The following SUN1 variants were observed in gnomAD, a reference collection of about 807,000 sequenced individuals.
SUN1 encodes SUN domain-containing protein 1.
Under a neutral mutation model 103.2 loss-of-function variants are expected in SUN1, and 61 were observed. That is an observed-to-expected ratio of 0.59 (90% CI 0.48 to 0.73). The LOEUF is 0.73. Ranked by LOEUF, SUN1 falls within the 30% of genes least tolerant of loss-of-function variation. SUN1 has a pLI of 0.00. For synonymous variants in SUN1, 490 were observed against 425.7 expected (o/e 1.15, Z -1.86); for missense variants, 1,052 against 1,034.6 (o/e 1.02, Z -0.23).
chr7:848,403 A>G, intron 5 of SUN1: 4 of 1,348,650 alleles, frequency 3.0e-6, no homozygotes, highest in Middle Eastern at 2.1e-4. Flanking sequence ...ACGCATGTTC[A>G]TGGTTTTTTA....
At chr7:849,313 A>C (rs1490941573) in intron 5 of SUN1, among the ~76,000 whole-genome samples, 1 of 152,200 alleles carries the variant, frequency 6.6e-6, no homozygotes. Flanking sequence ...CGATTCAGCC[A>C]GAGGGTGGGG....
intron 4 of SUN1, 42 bp from the exon 5 acceptor site, chr7:843,299 G>T (rs1490862214): frequency 6.2e-7 from 1 of 1,605,274 alleles, no homozygotes; most frequent in Non-Finnish European, 8.5e-7. Context: ...AATATCTGCA[G>T]ACTGTGATAA....
chr7:835,986 G>A (rs1034868899), intron 1 of SUN1, among the ~76,000 whole-genome samples: 1 of 152,238 alleles, frequency 6.6e-6, no homozygotes, highest in African/African-American at 2.4e-5. Flanking sequence ...TGGACAGGCG[G>A]GAAGAAGGGG....
chr7:838,788 T>C lies in SUN1; in HGVS notation c.78-10T>C. 1.3e-6 allele frequency: 2 copies of C among 1,534,154 alleles called. No individual in the cohort carries two copies. The highest frequency in any genetic ancestry group is 4.9e-5 in the East Asian group (2 of 40,754). ...GCACTGCTTACCTCTGATGAGCTTT[T>C]TCCTTCTAGTTCCAGCTATTCTTCA... On this transcript the variant is annotated splice_polypyrimidine_tract_variant and intron_variant, in intron 1 of 18. Coordinates refer to ENST00000401592, the MANE Select transcript of SUN1 (RefSeq NM_001130965.3).
chr7:825,895 T>C (rs1223428035), intron 1 of SUN1, among the ~76,000 whole-genome samples: 1 of 123,190 alleles, frequency 8.1e-6, no homozygotes, highest in African/African-American at 2.8e-5. Flanking sequence ...CATTTAGTAC[T>C]GGTTTTTTTT....
intron 17 of SUN1, among the ~76,000 whole-genome samples, chr7:870,041 A>C (rs1282587863): frequency 1.5e-5 from 2 of 136,866 alleles, no homozygotes; most frequent in Admixed American, 7.2e-5. Flanking sequence ...TAAAATATAC[A>C]AAAAAAAAAA....
rs768079885 is a variant in SUN1, at chr7:857,973, G to A, written c.1524+16G>A. The A allele has an allele frequency of 1.3e-6, 2 of 1,538,948 alleles. No homozygotes were observed. The highest frequency in any genetic ancestry group is 2.3e-5 in the East Asian group (1 of 42,920). Reference sequence around the variant, plus strand: ...ACAAGAAAGAGTGAGCTTTCTGCATGTTTACTTTTTGTTTTATAATAGAAA... The same window carrying A: ...ACAAGAAAGAGTGAGCTTTCTGCATATTTACTTTTTGTTTTATAATAGAAA... On this transcript the variant is annotated intron_variant, in intron 13 of 18. Coordinates refer to ENST00000401592, the MANE Select transcript of SUN1 (RefSeq NM_001130965.3).
chr7:872,534 G>T lies in SUN1; in HGVS notation c.2213G>T (p.Gly738Val). ...LLGQFTYDQD[G>V]ESLQMFQALK... ...GGACAGTTCACGTATGATCAGGATGGGGAGTCGCTCCAGATGTTCCAGGCC... is the reference window on the plus strand; with the variant it reads ...GGACAGTTCACGTATGATCAGGATGTGGAGTCGCTCCAGATGTTCCAGGCC... The change falls in exon 18 of 19, where the codon GGG (glycine) becomes GTG (valine). Residue 738 changes from glycine (G) to valine (V), a missense_variant. Coordinates refer to ENST00000401592, the MANE Select transcript of SUN1 (RefSeq NM_001130965.3). 1 of 1,598,050 alleles carries T rather than the reference G, an allele frequency of 6.3e-7. No homozygotes were observed. The highest frequency in any genetic ancestry group is 8.5e-7 in the Non-Finnish European group (1 of 1,172,052).
At position 839,532 on chromosome 7, in the gene SUN1, C is replaced by G. The variant is rs141025679; in HGVS notation, c.266+546C>G. On this transcript the variant is annotated intron_variant, in intron 2 of 18. Coordinates refer to ENST00000401592, the MANE Select transcript of SUN1 (RefSeq NM_001130965.3). ...TCCTGAGTAGCTGGGATTACAGGCG[C>G]CCGCCACCACGCCTGGCAAATTTTC... is the stretch of plus-strand genomic sequence containing the variant. Among the ~76,000 whole-genome samples, 12 of 56,262 alleles carry G rather than the reference C, an allele frequency of 2.1e-4. 3 individuals carry two copies. The highest frequency in any genetic ancestry group is 4.6e-4 in the Non-Finnish European group (12 of 25,996). The allele number at this position is 56,262 out of a possible 152,430, so 36.9% of individuals were successfully genotyped here.
Position 851,473 on chromosome 7 carries a change from G to A in SUN1, c.748G>A (p.Val250Ile). 6.2e-7 allele frequency: 1 copy of A among 1,604,924 alleles called. No individual in the cohort carries two copies. The highest frequency in any genetic ancestry group is 8.5e-7 in the Non-Finnish European group (1 of 1,175,712). ...GTGGTCGGCCCTTTGGCTGGCCGTGGTTGCTCCAGGTGGCTATTTTGGGTT... is the reference window on the plus strand; with the variant it reads ...GTGGTCGGCCCTTTGGCTGGCCGTGATTGCTCCAGGTGGCTATTTTGGGTT... ...TAWSALWLAVVAPGKAASGVF... is the reference protein window; with the variant it reads ...TAWSALWLAVIAPGKAASGVF... The change falls in exon 6 of 19, where the codon GTT becomes ATT. Residue 250 changes from valine (V) to isoleucine (I), a missense_variant. Transcript: ENST00000401592.
Position 857,972 on chromosome 7 carries a change from T to A in SUN1, c.1524+15T>A. 1.3e-6 allele frequency: 2 copies of A among 1,541,042 alleles called. No homozygotes were observed. Among genetic ancestry groups the A allele is most frequent in the Non-Finnish European group, 1.8e-6 (2 of 1,137,844 alleles). Reference sequence around the variant, plus strand: ...TACAAGAAAGAGTGAGCTTTCTGCATGTTTACTTTTTGTTTTATAATAGAA... The same window carrying A: ...TACAAGAAAGAGTGAGCTTTCTGCAAGTTTACTTTTTGTTTTATAATAGAA... On this transcript the variant is annotated intron_variant, in intron 13 of 18. Coordinates refer to ENST00000401592, the MANE Select transcript of SUN1 (RefSeq NM_001130965.3).
intron 1 of SUN1, among the ~76,000 whole-genome samples, chr7:819,324 A>G (rs911961748): frequency 6.6e-6 from 1 of 151,762 alleles, no homozygotes; most frequent in Non-Finnish European, 1.5e-5. Context: ...CCTTTGATGC[A>G]CAAATTGATG....
At chr7:859,470 A>C (rs1269407632) in intron 13 of SUN1, among the ~76,000 whole-genome samples, 1 of 152,136 alleles carries the variant, frequency 6.6e-6, no homozygotes, top group African/African-American at 2.4e-5. Flanking sequence ...CACAGGCAGG[A>C]GGGTCAGCGC....
Position 869,661 on chromosome 7 carries a change from C to T in SUN1, c.2148+145C>T, listed in dbSNP as rs576988320. 30 of 1,007,762 alleles carry T rather than the reference C, an allele frequency of 3.0e-5. No individual in the cohort carries two copies. The East Asian group carries it at 7.3e-4, about 25-fold the overall frequency. The allele number at this position is 1,007,762 out of a possible 1,614,324, so 62.4% of individuals were successfully genotyped here. A position where few individuals can be genotyped will look rare whatever the true frequency, so the allele number is the denominator to read the frequency against. ...AGATTCGGTGTTGAGGGGAACATTC[C>T]AGTGCTTTTCTAGGGAGGGTAACTT... On this transcript the variant is annotated intron_variant, in intron 17 of 18. Transcript: ENST00000401592.
intron 1 of SUN1, among the ~76,000 whole-genome samples, chr7:824,232 A>G (rs1300359377): frequency 6.6e-6 from 1 of 152,244 alleles, no homozygotes; most frequent in African/African-American, 2.4e-5. Context: ...TGAGAAACAC[A>G]AAAAGATGTT....
intron 5 of SUN1, chr7:849,422 C>T (rs1272138749): frequency 1.1e-6 from 1 of 941,976 alleles, no homozygotes; most frequent in South Asian, 1.4e-5. Flanking sequence ...AGTGGCTAGC[C>T]TTGCACATCC....
Position 852,856 on chromosome 7 carries a change from C to G in SUN1, c.957C>G (p.Pro319=). The G allele has an allele frequency of 1.2e-6, 2 of 1,613,752 alleles. No homozygotes were observed. The highest frequency in any genetic ancestry group is 2.2e-5 in the East Asian group (1 of 44,872). The stretch of plus-strand genomic sequence containing the variant: ...AGGGCAATTTCTTTTCGTTCTTGCC[C>G]GTGTTGAACTGGGCAAGCATGCATA... The part of the protein sequence containing the change: ...RGQGNFFSFL[P]VLNWASMHRT... Residue 319 remains proline, a synonymous_variant, in exon 9 of 19, where the codon CCC becomes CCG. Coordinates refer to ENST00000401592, the MANE Select transcript of SUN1 (RefSeq NM_001130965.3).
In SUN1 at chr7:863,237, C is replaced by T. The variant is rs796401705; in HGVS notation, c.1864+1773C>T. ...CTGGAGTGCCGCCCTCCCGAGCTCGCCCTTGCTGCCCAGCATTCACCAGCG... is the reference window on the plus strand; with the variant it reads ...CTGGAGTGCCGCCCTCCCGAGCTCGTCCTTGCTGCCCAGCATTCACCAGCG... On this transcript the variant is annotated intron_variant, in intron 15 of 18. Coordinates refer to ENST00000401592, the MANE Select transcript of SUN1 (RefSeq NM_001130965.3). 3.9e-4 allele frequency among the ~76,000 whole-genome samples: 59 copies of T among 151,582 alleles called. 1 individual carries two copies. Among genetic ancestry groups the T allele is most frequent in the African/African-American group, 1.3e-3 (54 of 41,424 alleles).
chr7:859,857 C>T (rs1012166904), intron 13 of SUN1, among the ~76,000 whole-genome samples: 7 of 152,188 alleles, frequency 4.6e-5, no homozygotes, highest in South Asian at 2.1e-4. Context: ...CACGCACCTC[C>T]AGAGGGTGTG....
Sources: gnomAD v4.1 joint callset for allele counts (sites outside exome capture counted in the v4.1 genomes callset) on GRCh38, gnomAD v4.1.1 for gene constraint, MANE v1.5 for transcripts, NCBI Gene and HGNC (gene_info 2026-07-23, HGNC 2026-07-21) for gene names.